PRICKLE1: variants seen among roughly 807,000 people sequenced by gnomAD.
PRICKLE1 encodes prickle-like protein 1.
A neutral mutation model predicts 70.2 loss-of-function variants in PRICKLE1; 14 were observed. The ratio of observed to expected loss-of-function variants is 0.20; its 90% confidence interval spans 0.13 to 0.31. The LOEUF (loss-of-function observed/expected upper bound fraction) is 0.31, where lower values mean the gene tolerates loss of function less well. PRICKLE1 is among the 10% of genes least tolerant of loss of function. PRICKLE1 has a pLI of 1.00. For missense variants in PRICKLE1, 821 were observed against 1,026.2 expected (o/e 0.80, Z 2.73); for synonymous variants, 357 against 379.9 (o/e 0.94, Z 0.70).
intron 1 of PRICKLE1, among the ~76,000 whole-genome samples, chr12:42,537,798 T>TA (rs1940040379): frequency 6.6e-6 from 1 of 152,216 alleles, no homozygotes; most frequent in Non-Finnish European, 1.5e-5. Context: ...CTGCCCAAGA[T>TA]ACACTCCCAA....
chr12:42,478,415 G>T (rs1938656866), intron 1 of PRICKLE1, among the ~76,000 whole-genome samples: 1 of 152,144 alleles, frequency 6.6e-6, no homozygotes, highest in Non-Finnish European at 1.5e-5. Context: ...AAGCAAAACA[G>T]TTTTCAGAGA....
rs189561342 is a variant in PRICKLE1, at chr12:42,530,386, A to G, written c.-48-57822T>C. ...TCATTTTATACTCTAGAAATGCCAT[A>G]AAACATTCCCCCTAAATTATATTCA... On this transcript the variant is annotated intron_variant, in intron 1 of 7. Transcript: ENST00000345127. Among the ~76,000 whole-genome samples the G allele has an allele frequency of 1.3e-4, 20 of 152,254 alleles. No individual in the cohort carries two copies. In the East Asian group the frequency reaches 3.9e-3, roughly 29 times the overall value.
chr12:42,496,132 A>G (rs553265144), intron 1 of PRICKLE1, among the ~76,000 whole-genome samples: 17 of 152,334 alleles, frequency 1.1e-4, no homozygotes, highest in Admixed American at 1.1e-3. Context: ...AGATGAAACC[A>G]TCCATGATTC....
Position 42,460,579 on chromosome 12 carries a change from T to C in PRICKLE1, c.1726A>G (p.Lys576Glu), listed in dbSNP as rs1566076889. The change falls in exon 8 of 8, where the codon AAG (lysine) becomes GAG (glutamate). Residue 576 changes from lysine (K) to glutamate (E), a missense_variant. By Grantham distance (56) the Lys-to-Glu change is moderately conservative (BLOSUM62 1). Coordinates refer to ENST00000345127, the MANE Select transcript of PRICKLE1 (RefSeq NM_153026.3). ...FEEMETEDCE[K>E]MSNMGTLNSS... is the part of the protein sequence containing the mutation. ...TTCAAAGTTCCCATATTGCTCATCTTCTCACAATCTTCTGTTTCCATCTCC... is the reference window on the plus strand; with the variant it reads ...TTCAAAGTTCCCATATTGCTCATCTCCTCACAATCTTCTGTTTCCATCTCC... The C allele has an allele frequency of 3.1e-6, 5 of 1,613,900 alleles. No individual in the cohort carries two copies. The highest frequency in any genetic ancestry group is 3.4e-6 in the Non-Finnish European group (4 of 1,180,030).
intron 2 of PRICKLE1, 27 bp downstream of exon 2, chr12:42,472,358 G>C: frequency 6.2e-7 from 1 of 1,613,586 alleles, no homozygotes; most frequent in Non-Finnish European, 8.5e-7. Flanking sequence ...AAAACAAAGA[G>C]TAAATATAGG....
chr12:42,512,696 TG>T (rs1939536491), intron 1 of PRICKLE1, among the ~76,000 whole-genome samples: 1 of 151,826 alleles, frequency 6.6e-6, no homozygotes, highest in East Asian at 2.0e-4. Flanking sequence ...CTCACTCTGT[TG>T]CCCAGGCTGG....
chr12:42,529,940 TCTTC>T (rs537386755), intron 1 of PRICKLE1, among the ~76,000 whole-genome samples: 1 of 138,374 alleles, frequency 7.2e-6, no homozygotes, highest in Non-Finnish European at 1.6e-5. Flanking sequence ...TTCCTTCCTT[TCTTC>T]CTTCCTTCCT....
chr12:42,528,479 G>C (rs559915744), intron 1 of PRICKLE1, among the ~76,000 whole-genome samples: 12 of 152,262 alleles, frequency 7.9e-5, no homozygotes, highest in African/African-American at 2.9e-4. Context: ...ACATTTGCAA[G>C]AAGTCTTCAT....
intron 1 of PRICKLE1, among the ~76,000 whole-genome samples, chr12:42,529,953 C>T (rs1939880061): frequency 7.0e-6 from 1 of 142,992 alleles, no homozygotes; most frequent in African/African-American, 2.6e-5. Flanking sequence ...TCCTTCCTTC[C>T]TTTTTTTTTT....
intron 1 of PRICKLE1, among the ~76,000 whole-genome samples, chr12:42,493,603 A>C (rs12309863): frequency 0.037 from 5,698 of 152,276 alleles, 356 homozygotes; most frequent in African/African-American, 0.13. Context: ...ACTCTGAGTA[A>C]ACTAGAAACC....
At position 42,464,984 on chromosome 12, in the gene PRICKLE1, G is replaced by C; in HGVS notation, c.1050C>G (p.Leu350=). 1 of 1,614,038 alleles carries C rather than the reference G, an allele frequency of 6.2e-7. No homozygotes were observed. Among genetic ancestry groups the C allele is most frequent in the Admixed American group, 1.7e-5 (1 of 60,010 alleles). The change falls in exon 7 of 8, where the codon CTC becomes CTG. Residue 350 remains leucine, a synonymous_variant. Transcript: ENST00000345127. This position sits in a 1 kb window ranked among gnomAD's most constrained non-coding sequence, Gnocchi z 4.2. The stretch of plus-strand genomic sequence containing the variant: ...TGTAGTTCAGAGCAGGCGATAAGAG[G>C]AGAGACTGTCTACACTGATCTGCTG... ...SRSADQCRQS[L]LLSPALNYKF...
intron 1 of PRICKLE1, among the ~76,000 whole-genome samples, chr12:42,538,479 TA>T (rs1940051896): frequency 6.6e-6 from 1 of 152,074 alleles, no homozygotes; most frequent in Non-Finnish European, 1.5e-5. Flanking sequence ...ATACAGAAGG[TA>T]GGGGTGCGGG....
chr12:42,493,731 G>A (rs1614947), intron 1 of PRICKLE1, among the ~76,000 whole-genome samples: 150,918 of 152,154 alleles, frequency 0.99, 74,862 homozygotes, highest in Middle Eastern at 1. Context: ...TGTGTCACGT[G>A]CCTACAGTCC....
chr12:42,578,952 G>A (rs1313399872), intron 1 of PRICKLE1, among the ~76,000 whole-genome samples: 8 of 152,022 alleles, frequency 5.3e-5, no homozygotes, highest in South Asian at 2.1e-4. Flanking sequence ...TAGTAGAAAC[G>A]GGGTTTCACT....
chr12:42,516,170 C>T (rs987014888), intron 1 of PRICKLE1, among the ~76,000 whole-genome samples: 6 of 151,926 alleles, frequency 3.9e-5, no homozygotes, highest in African/African-American at 9.7e-5. Flanking sequence ...CTCGCTCTGT[C>T]GCTCAGGCTG....
chr12:42,554,884 T>A (rs957908102), intron 1 of PRICKLE1, among the ~76,000 whole-genome samples: 10 of 117,384 alleles, frequency 8.5e-5, no homozygotes, highest in African/African-American at 3.2e-4. Context: ...TAGAACTTAT[T>A]TTTTTTTTTT....
intron 6 of PRICKLE1, chr12:42,465,942 T>C: frequency 1.8e-6 from 1 of 552,330 alleles, no homozygotes. Context: ...TATTCCCCCA[T>C]GAGCAATGGT....
At chr12:42,583,348 A>T (rs1405257864) in intron 1 of PRICKLE1, among the ~76,000 whole-genome samples, 4 of 152,214 alleles carry the variant, frequency 2.6e-5, no homozygotes, top group Non-Finnish European at 5.9e-5. Context: ...GTAAAATAAC[A>T]TAAACCTCAT....
Position 42,567,969 on chromosome 12 carries a change from T to C in PRICKLE1, c.-49+21496A>G, listed in dbSNP as rs1458733323. Among the ~76,000 whole-genome samples the C allele has an allele frequency of 2.0e-5, 3 of 152,286 alleles. No individual in the cohort carries two copies. In the East Asian group the frequency reaches 5.8e-4, roughly 29 times the overall value. ...ACAATCCAATATTTGTAATTCTCAA[T>C]AATGTATGATTTGCACATCTTTGGT... On this transcript the variant is annotated intron_variant, in intron 1 of 7. Coordinates refer to ENST00000345127, the MANE Select transcript of PRICKLE1 (RefSeq NM_153026.3).
Sources: gnomAD v4.1 joint callset for allele counts (sites outside exome capture counted in the v4.1 genomes callset) on GRCh38, gnomAD v4.1.1 for gene constraint, Gnocchi (gnomAD v3.1) non-coding constraint, MANE v1.5 for transcripts, NCBI Gene and HGNC (gene_info 2026-07-23, HGNC 2026-07-21) for gene names.